Variants in MACROD2 observed in about 807,000 individuals in gnomAD.
The protein encoded by MACROD2 is mono-ADP ribosylhydrolase 2, also known as ADP-ribose glycohydrolase MACROD2.
A neutral mutation model predicts 70.4 loss-of-function variants in MACROD2; 36 were observed. The ratio of observed to expected loss-of-function variants is 0.51; its 90% CI spans 0.39 to 0.68. MACROD2 has a LOEUF of 0.68. MACROD2 is among the 30% of genes least tolerant of loss of function. The pLI is 0.00. For missense variants in MACROD2, 496 were observed against 538.4 expected, an observed-to-expected ratio of 0.92 and a Z score of 0.78; for synonymous variants, 172 against 178.8, an observed-to-expected ratio of 0.96 and a Z score of 0.30.
chr20:14,199,738 C>T (rs1246570126), intron 3 of MACROD2, among the ~76,000 whole-genome samples: 1 of 151,694 alleles, frequency 6.6e-6, no homozygotes, highest in Non-Finnish European at 1.5e-5. Context: ...TAATTATGTA[C>T]CAGGCTAATT....
intron 5 of MACROD2, among the ~76,000 whole-genome samples, chr20:14,732,641 G>T (rs2071613135): frequency 6.6e-6 from 1 of 152,072 alleles, no homozygotes; most frequent in Non-Finnish European, 1.5e-5. Context: ...ATCTCAGGAG[G>T]AATTTGTCCT....
chr20:14,342,189 A>T (rs2083020330), intron 3 of MACROD2, among the ~76,000 whole-genome samples: 1 of 152,166 alleles, frequency 6.6e-6, no homozygotes. Context: ...CAGAACTGAG[A>T]ATGGAGGACA....
At chr20:14,624,729 T>C (rs556303251) in intron 4 of MACROD2, among the ~76,000 whole-genome samples, 15 of 152,310 alleles carry the variant, frequency 9.8e-5, no homozygotes, top group African/African-American at 3.6e-4. Context: ...GAAACTGCAC[T>C]TCTTCCTCTG....
chr20:15,316,554 C>A (rs2077813184), intron 6 of MACROD2, among the ~76,000 whole-genome samples: 1 of 152,030 alleles, frequency 6.6e-6, no homozygotes, highest in South Asian at 2.1e-4. Flanking sequence ...GAAGCAAACA[C>A]TGATGGACTT....
intron 3 of MACROD2, among the ~76,000 whole-genome samples, chr20:14,103,440 A>G (rs2054325469): frequency 6.6e-6 from 1 of 152,176 alleles, no homozygotes; most frequent in South Asian, 2.1e-4. Context: ...CACTTAGGGA[A>G]ACTTATATTT....
intron 3 of MACROD2, among the ~76,000 whole-genome samples, chr20:14,177,309 T>TA (rs935363603): frequency 1.5e-4 from 22 of 150,736 alleles, no homozygotes; most frequent in African/African-American, 5.3e-4. Flanking sequence ...TTCTTTTTTT[T>TA]TTTTTTTTTG....
chr20:14,436,416 C>T (rs773250812), intron 3 of MACROD2, among the ~76,000 whole-genome samples: 3 of 152,148 alleles, frequency 2.0e-5, no homozygotes, highest in African/African-American at 7.2e-5. Context: ...CCACCTTTTC[C>T]GAAATACTTA....
At chr20:15,092,650 ATTTC>A (rs550780502) in intron 5 of MACROD2, among the ~76,000 whole-genome samples, 1 of 152,090 alleles carries the variant, frequency 6.6e-6, no homozygotes, top group South Asian at 2.1e-4. Context: ...GTTTCTTGAT[ATTTC>A]TTTTATCAAA....
At chr20:15,552,751 G>C (rs571890264) in intron 8 of MACROD2, 1 of 152,342 alleles carries the variant, frequency 6.6e-6, no homozygotes, top group African/African-American at 2.4e-5. Flanking sequence ...AAGATTCACT[G>C]AATAAATAAT....
chr20:15,699,521 G>C (rs1235633130), intron 8 of MACROD2, among the ~76,000 whole-genome samples: 1 of 152,150 alleles, frequency 6.6e-6, no homozygotes, highest in Non-Finnish European at 1.5e-5. Context: ...AGCTTTGGTG[G>C]TTTAATGCTC....
intron 5 of MACROD2, among the ~76,000 whole-genome samples, chr20:15,020,845 A>T (rs1015969516): frequency 1.3e-5 from 2 of 151,754 alleles, no homozygotes; most frequent in African/African-American, 2.4e-5. Flanking sequence ...ATGTAGTCTG[A>T]TGTTGACGGA....
chr20:16,002,731 C>T (rs554570271), intron 15 of MACROD2, among the ~76,000 whole-genome samples: 6 of 152,280 alleles, frequency 3.9e-5, no homozygotes, highest in African/African-American at 1.4e-4. Context: ...AGACATCTGG[C>T]CTCCAGAACT....
chr20:14,643,765 G>A (rs112774429), intron 4 of MACROD2, among the ~76,000 whole-genome samples: 4 of 152,116 alleles, frequency 2.6e-5, no homozygotes, highest in African/African-American at 9.7e-5. Context: ...AGGCACCTGT[G>A]GTGACTGTCC....
intron 6 of MACROD2, among the ~76,000 whole-genome samples, chr20:15,417,428 GAAT>G (rs958130518): frequency 4.0e-5 from 6 of 150,900 alleles, no homozygotes; most frequent in Non-Finnish European, 8.9e-5. Flanking sequence ...TCATCCCTAT[GAAT>G]AATAATAATA....
intron 8 of MACROD2, among the ~76,000 whole-genome samples, chr20:15,705,833 T>C (rs1050227162): frequency 6.6e-6 from 1 of 152,210 alleles, no homozygotes; most frequent in African/African-American, 2.4e-5. Context: ...AGTATAGATA[T>C]GCTATAGTAA....
At chr20:15,012,814 C>T (rs1297967238) in intron 5 of MACROD2, among the ~76,000 whole-genome samples, 1 of 152,146 alleles carries the variant, frequency 6.6e-6, no homozygotes, top group African/African-American at 2.4e-5. Flanking sequence ...GCTCAGCCGT[C>T]CCAGTCTCAG....
At chr20:14,017,195 A>G (rs1303985934) in intron 2 of MACROD2, among the ~76,000 whole-genome samples, 1 of 152,126 alleles carries the variant, frequency 6.6e-6, no homozygotes, top group African/African-American at 2.4e-5. Flanking sequence ...TTGATTTTGT[A>G]TCCTGCAGCT....
In MACROD2 at chr20:14,723,221, C is replaced by T. The variant is rs186699406; in HGVS notation, c.418+38262C>T. Among the ~76,000 whole-genome samples the T allele has an allele frequency of 1.4e-3, 214 of 152,258 alleles. 1 individual carries two copies. Among genetic ancestry groups the T allele is most frequent in the East Asian group, 6.7e-3 (35 of 5,186 alleles). On this transcript the variant is annotated intron_variant, in intron 5 of 17. Coordinates refer to ENST00000684519, the MANE Select transcript of MACROD2 (RefSeq NM_001351661.2). ...TATTGAGCTTGGAATCAAGTCCCTG[C>T]TTTGGCACGCGTTAGCTGGGCTGCA...
At chr20:15,800,101 A>G (rs1432782753) in intron 8 of MACROD2, among the ~76,000 whole-genome samples, 1 of 152,072 alleles carries the variant, frequency 6.6e-6, no homozygotes, top group Non-Finnish European at 1.5e-5. Context: ...AGAAATGTCC[A>G]TTCAGATTTT....
Sources: allele counts gnomAD v4.1 joint callset (sites outside exome capture counted in the v4.1 genomes callset), GRCh38; gene constraint gnomAD v4.1.1; transcripts MANE v1.5; gene names NCBI Gene and HGNC (gene_info 2026-07-23, HGNC 2026-07-21).